Variants in SDK2 observed in about 807,000 individuals in gnomAD.
SDK2 encodes the protein protein sidekick-2.
In SDK2, 105 loss-of-function variants were observed where a neutral mutation model predicts 253.9. The ratio of observed to expected loss-of-function variants is 0.41; its 90% CI spans 0.35 to 0.49. The LOEUF (loss-of-function observed/expected upper bound fraction) is 0.49, where lower values mean the gene tolerates loss of function less well. SDK2 is among the 20% of genes least tolerant of loss of function. SDK2 has a pLI of 0.06. For synonymous variants in SDK2, 1,249 were observed against 1,234.9 expected (o/e 1.01, Z -0.24); for missense variants, 2,608 against 3,003.0 (o/e 0.87, Z 3.07).
intron 1 of SDK2, among the ~76,000 whole-genome samples, chr17:73,589,315 G>A (rs1265541040): frequency 6.6e-6 from 1 of 152,256 alleles, no homozygotes; most frequent in Non-Finnish European, 1.5e-5. Context: ...CCCTCCCAAG[G>A]TGCAGAGTTG....
At chr17:73,388,291 C>T (rs971129999) in intron 29 of SDK2, among the ~76,000 whole-genome samples, 3 of 152,206 alleles carry the variant, frequency 2.0e-5, no homozygotes, top group African/African-American at 7.2e-5. Flanking sequence ...CAGGGCAGCC[C>T]TAAGCAAGGA....
rs1366591256 is a variant in SDK2 at position 73,465,002 on chromosome 17, G to A, written c.331+7110C>T. Among the ~76,000 whole-genome samples the A allele has an allele frequency of 6.6e-6, 1 of 152,150 alleles. No homozygotes were observed. Among genetic ancestry groups the A allele is most frequent in the East Asian group, 1.9e-4 (1 of 5,194 alleles). ...GGAACAGTGCTTGGCATATGGGGGT[G>A]TGCAGCAATCATTGTTTCCTGAGTG... On this transcript the variant is annotated intron_variant, in intron 3 of 44. Coordinates refer to ENST00000392650, the MANE Select transcript of SDK2 (RefSeq NM_001144952.2). This position sits in a 1 kb window ranked among gnomAD's most constrained non-coding sequence, Gnocchi z 4.2.
intron 1 of SDK2, among the ~76,000 whole-genome samples, chr17:73,568,831 C>T (rs2045343785): frequency 1.3e-5 from 2 of 152,142 alleles, no homozygotes; most frequent in Admixed American, 6.5e-5. Flanking sequence ...AAGGAACATG[C>T]TTTATCTTCA....
At chr17:73,568,247 A>G (rs1350441839) in intron 1 of SDK2, among the ~76,000 whole-genome samples, 1 of 151,888 alleles carries the variant, frequency 6.6e-6, no homozygotes, top group Non-Finnish European at 1.5e-5. Flanking sequence ...TCTCTCTTGC[A>G]CCCTCTATCT....
chr17:73,515,094 C>G (rs973377260), intron 1 of SDK2, among the ~76,000 whole-genome samples: 2 of 152,172 alleles, frequency 1.3e-5, no homozygotes, highest in Non-Finnish European at 2.9e-5. Flanking sequence ...AGTTAAGAGG[C>G]CTGAGTTCAT....
At chr17:73,506,161 G>A (rs1408083166) in intron 2 of SDK2, among the ~76,000 whole-genome samples, 1 of 152,240 alleles carries the variant, frequency 6.6e-6, no homozygotes, top group Non-Finnish European at 1.5e-5. Flanking sequence ...CTAAGATGAT[G>A]CAGGGGCCCT....
chr17:73,529,360 T>C (rs1230659932), intron 1 of SDK2, among the ~76,000 whole-genome samples: 1 of 152,088 alleles, frequency 6.6e-6, no homozygotes, highest in Non-Finnish European at 1.5e-5. Flanking sequence ...AATTTTCTCA[T>C]CTGAAATGGA....
intron 3 of SDK2, among the ~76,000 whole-genome samples, chr17:73,462,888 G>A (rs1343370720): frequency 1.3e-5 from 2 of 152,126 alleles, no homozygotes; most frequent in Admixed American, 6.5e-5. Flanking sequence ...TCTGCCCAGG[G>A]AGTTCCTTGT....
At chr17:73,468,440 C>T (rs146143458) in intron 3 of SDK2, among the ~76,000 whole-genome samples, 236 of 152,264 alleles carry the variant, frequency 1.5e-3, no homozygotes, top group African/African-American at 5.4e-3. Flanking sequence ...AGTCACTTCC[C>T]TGGGGTCACA....
chr17:73,528,817 C>T (rs2064146514), intron 1 of SDK2, among the ~76,000 whole-genome samples: 1 of 152,222 alleles, frequency 6.6e-6, no homozygotes, highest in South Asian at 2.1e-4. Flanking sequence ...AGAGGAGCGT[C>T]CCCTGGCCAT....
At chr17:73,432,279 G>A (rs1231361647) in intron 10 of SDK2, among the ~76,000 whole-genome samples, 2 of 152,134 alleles carry the variant, frequency 1.3e-5, no homozygotes, top group African/African-American at 2.4e-5. Flanking sequence ...GGGAGAAAGA[G>A]AGAGTGCAAG....
At chr17:73,401,815 T>G in intron 19 of SDK2, 63 bp from the exon 20 acceptor site, 1 of 1,470,308 alleles carries the variant, frequency 6.8e-7, no homozygotes, top group Non-Finnish European at 9.3e-7. Flanking sequence ...GACCACCATC[T>G]GTGAGATAGC....
chr17:73,395,296 C>T lies in SDK2; in HGVS notation c.3451G>A (p.Val1151Met), dbSNP rs148937818. ...SDGHGKTLSH[V>M]VQDRVERDYT... is the part of the protein sequence containing the mutation. Reference sequence around the variant, plus strand: ...TCCCGCTCCACACGGTCCTGCACCACGTGGCTCAGCGTCTTGCCATGCCCG... The same window carrying T: ...TCCCGCTCCACACGGTCCTGCACCATGTGGCTCAGCGTCTTGCCATGCCCG... Residue 1151 changes from valine (V) to methionine (M), a missense_variant, in exon 25 of 45, where the codon GTG becomes ATG. Physicochemically the swap from Val to Met is conservative, Grantham distance 21 (BLOSUM62 1). Transcript: ENST00000392650. This position sits in a 1 kb window ranked among gnomAD's most constrained non-coding sequence, Gnocchi z 4.3. The T allele has an allele frequency of 6.0e-5, 97 of 1,613,846 alleles. 2 individuals carry two copies. The Middle Eastern group carries it at 1.8e-3, about 30-fold the overall frequency.
intron 2 of SDK2, among the ~76,000 whole-genome samples, chr17:73,495,276 T>A (rs949065730): frequency 1.3e-5 from 2 of 152,224 alleles, no homozygotes; most frequent in Non-Finnish European, 2.9e-5. Context: ...CACCTCACTG[T>A]AGGTCATGGT....
intron 2 of SDK2, among the ~76,000 whole-genome samples, chr17:73,479,901 C>A (rs375421428): frequency 2.6e-5 from 4 of 152,212 alleles, no homozygotes; most frequent in Admixed American, 2.6e-4. Context: ...CCATGTTGGC[C>A]AGGCTGATCT....
intron 2 of SDK2, among the ~76,000 whole-genome samples, chr17:73,478,628 CAA>C (rs2063702222): frequency 6.6e-6 from 1 of 152,094 alleles, no homozygotes; most frequent in East Asian, 1.9e-4. Context: ...TTTTTAGCGA[CAA>C]GAGAGGAGCA....
intron 1 of SDK2, among the ~76,000 whole-genome samples, chr17:73,607,118 A>G (rs917490612): frequency 6.6e-6 from 1 of 152,182 alleles, no homozygotes; most frequent in African/African-American, 2.4e-5. Context: ...ATGTGTCCTC[A>G]AGAAGAGGCA....
At position 73,465,907 on chromosome 17, in the gene SDK2, C is replaced by T. The variant is rs2063593533; in HGVS notation, c.331+6205G>A. Among the ~76,000 whole-genome samples the T allele has an allele frequency of 6.6e-6, 1 of 152,160 alleles. No homozygotes were observed. Among genetic ancestry groups the T allele is most frequent in the Non-Finnish European group, 1.5e-5 (1 of 68,032 alleles). On this transcript the variant is annotated intron_variant, in intron 3 of 44. Coordinates refer to ENST00000392650, the MANE Select transcript of SDK2 (RefSeq NM_001144952.2). The surrounding 1 kb of genome is among the most constrained non-coding windows in gnomAD (Gnocchi z 4.2). Reference sequence around the variant, plus strand: ...ATTTGGGAAAAGTGACCATACCCCACCCTCTCTCAGAACTGTGTGCCATCT... The same window carrying T: ...ATTTGGGAAAAGTGACCATACCCCATCCTCTCTCAGAACTGTGTGCCATCT...
chr17:73,596,629 T>C (rs2045762471), intron 1 of SDK2, among the ~76,000 whole-genome samples: 1 of 152,088 alleles, frequency 6.6e-6, no homozygotes, highest in African/African-American at 2.4e-5. Flanking sequence ...CCAACCCCCT[T>C]CCCAGTGGTC....
Sources: gnomAD v4.1 joint callset for allele counts (sites outside exome capture counted in the v4.1 genomes callset) on GRCh38, gnomAD v4.1.1 for gene constraint, Gnocchi (gnomAD v3.1) non-coding constraint, MANE v1.5 for transcripts, NCBI Gene and HGNC (gene_info 2026-07-23, HGNC 2026-07-21) for gene names.